The following TRPM3 variants were observed in gnomAD, a reference collection of about 807,000 sequenced individuals.
TRPM3 encodes long transient receptor potential channel 3.
Under a neutral mutation model 181.2 loss-of-function variants are expected in TRPM3, and 77 were observed. The ratio of observed to expected loss-of-function variants is 0.42; its 90% CI spans 0.35 to 0.51. TRPM3 has a LOEUF of 0.51. Ranked by LOEUF, TRPM3 falls within the 20% of genes least tolerant of loss-of-function variation. The pLI is 0.01. For missense variants in TRPM3, 1,759 were observed against 2,196.7 expected, an observed-to-expected ratio of 0.80 and a Z score of 3.98; for synonymous variants, 745 against 796.4, an observed-to-expected ratio of 0.94 and a Z score of 1.09.
chr9:70,756,569 C>A (rs1258301924), intron 8 of TRPM3, among the ~76,000 whole-genome samples: 1 of 152,136 alleles, frequency 6.6e-6, no homozygotes, highest in Non-Finnish European at 1.5e-5. Context: ...CACACTTATT[C>A]TAAAATTGGC....
At chr9:70,673,949 C>CAA (rs5898160) in intron 9 of TRPM3, among the ~76,000 whole-genome samples, 22,008 of 89,354 alleles carry the variant, frequency 0.25, 3,664 homozygotes, top group African/African-American at 0.33. Context: ...AACTCCATCT[C>CAA]AAAAAAAAAA....
chr9:71,290,635 C>T (rs1288238015), intron 1 of TRPM3, among the ~76,000 whole-genome samples: 2 of 151,972 alleles, frequency 1.3e-5, no homozygotes, highest in Non-Finnish European at 1.5e-5. Context: ...TGTATAGACA[C>T]ATGCTCAAAA....
intron 11 of TRPM3, among the ~76,000 whole-genome samples, chr9:70,636,438 A>T (rs1202979025): frequency 6.6e-6 from 1 of 152,200 alleles, no homozygotes; most frequent in Non-Finnish European, 1.5e-5. Context: ...TGTTTGTTTG[A>T]GGTAAATATA....
intron 1 of TRPM3, among the ~76,000 whole-genome samples, chr9:70,962,410 A>G (rs2993003): frequency 0.5 from 76,595 of 151,892 alleles, 19,516 homozygotes; most frequent in African/African-American, 0.54. Flanking sequence ...CAACTGCCTA[A>G]ATGGAAATCC....
At chr9:71,164,417 G>A (rs1259939005) in intron 1 of TRPM3, among the ~76,000 whole-genome samples, 5 of 152,086 alleles carry the variant, frequency 3.3e-5, no homozygotes, top group African/African-American at 1.2e-4. Flanking sequence ...TAGAGCCGAC[G>A]GGAACTCTAT....
chr9:70,777,793 GC>G (rs1330479648), intron 7 of TRPM3, among the ~76,000 whole-genome samples: 2 of 152,082 alleles, frequency 1.3e-5, no homozygotes, highest in African/African-American at 2.4e-5. Context: ...CCTAAAACAA[GC>G]ATTCAAAAAA....
At chr9:70,797,384 T>TTA (rs2087414356) in intron 6 of TRPM3, among the ~76,000 whole-genome samples, 1 of 152,222 alleles carries the variant, frequency 6.6e-6, no homozygotes, top group Non-Finnish European at 1.5e-5. Context: ...ACTTAACTGC[T>TTA]AGCTGTCACT....
chr9:70,811,175 G>A (rs760127661), intron 6 of TRPM3: 7 of 1,610,756 alleles, frequency 4.3e-6, no homozygotes, highest in African/African-American at 2.7e-5. Context: ...CTTACCAACT[G>A]AGTCTAACTG....
At chr9:71,426,997 T>C (rs1740558363) in intron 1 of TRPM3, among the ~76,000 whole-genome samples, 1 of 152,220 alleles carries the variant, frequency 6.6e-6, no homozygotes, top group Admixed American at 6.5e-5. Context: ...ATTTTAGACA[T>C]TGGTAGTCAG....
At chr9:70,889,358 C>T (rs918791161) in intron 1 of TRPM3, among the ~76,000 whole-genome samples, 23 of 152,290 alleles carry the variant, frequency 1.5e-4, no homozygotes, top group South Asian at 4.1e-4. Context: ...AAGTATGAGG[C>T]ACCAGGATGA....
intron 10 of TRPM3, 76 bp from the exon 11 acceptor site, chr9:70,639,270 G>A (rs1236532149): frequency 6.6e-7 from 1 of 1,505,900 alleles, no homozygotes; most frequent in African/African-American, 1.4e-5. Context: ...CACTTGAACA[G>A]CTTAGAAATG....
At chr9:71,224,947 A>G (rs2080493797) in intron 1 of TRPM3, among the ~76,000 whole-genome samples, 1 of 152,152 alleles carries the variant, frequency 6.6e-6, no homozygotes, top group Non-Finnish European at 1.5e-5. Context: ...AGAATAAAGC[A>G]TGCCTGTAAG....
chr9:71,182,365 A>T (rs2077454025), intron 1 of TRPM3, among the ~76,000 whole-genome samples: 1 of 152,090 alleles, frequency 6.6e-6, no homozygotes, highest in Non-Finnish European at 1.5e-5. Context: ...CTTCAGAATG[A>T]AAAATGGCCC....
At chr9:70,951,803 G>T (rs2097003830) in intron 1 of TRPM3, among the ~76,000 whole-genome samples, 1 of 152,150 alleles carries the variant, frequency 6.6e-6, no homozygotes, top group Non-Finnish European at 1.5e-5. Flanking sequence ...CAGAGCTAAA[G>T]GAATGCCTTA....
chr9:70,942,137 T>C (rs766557825), intron 1 of TRPM3, among the ~76,000 whole-genome samples: 2 of 152,208 alleles, frequency 1.3e-5, no homozygotes, highest in African/African-American at 4.8e-5. Flanking sequence ...ACCTTTCAAC[T>C]GAGATATTTT....
At chr9:71,180,158 G>A (rs967058303) in intron 1 of TRPM3, among the ~76,000 whole-genome samples, 1 of 144,680 alleles carries the variant, frequency 6.9e-6, no homozygotes, top group Non-Finnish European at 1.5e-5. Flanking sequence ...GGGTTCAAGT[G>A]ATTCTCCTGT....
chr9:70,600,947 G>A (rs575677895), intron 20 of TRPM3, among the ~76,000 whole-genome samples: 37 of 152,270 alleles, frequency 2.4e-4, no homozygotes, highest in African/African-American at 8.7e-4. Context: ...AGTCCGGGGT[G>A]AGGCAGAAGT....
At chr9:71,359,722 CATT>C (rs1171665602) in intron 1 of TRPM3, among the ~76,000 whole-genome samples, 1 of 152,054 alleles carries the variant, frequency 6.6e-6, no homozygotes, top group African/African-American at 2.4e-5. Context: ...CAGAAAATTT[CATT>C]ATTTTCAGGA....
chr9:70,652,876 T>C (rs1306735307), intron 9 of TRPM3, among the ~76,000 whole-genome samples: 1 of 152,168 alleles, frequency 6.6e-6, no homozygotes, highest in African/African-American at 2.4e-5. Context: ...GAAGCTGGGA[T>C]GTAAGAGTCT....
Sources: gnomAD v4.1 joint callset for allele counts (sites outside exome capture counted in the v4.1 genomes callset) on GRCh38, gnomAD v4.1.1 for gene constraint, MANE v1.5 for transcripts, NCBI Gene and HGNC (gene_info 2026-07-23, HGNC 2026-07-21) for gene names.